The following ZRANB3 variants were observed in gnomAD, a reference collection of about 807,000 sequenced individuals.
The protein encoded by ZRANB3 is zinc finger RANBP2-type containing 3, also known as DNA annealing helicase and endonuclease ZRANB3.
ZRANB3 carries 125 observed loss-of-function variants against 133.8 expected under a neutral mutation model. The ratio of observed to expected loss-of-function variants is 0.93; its 90% CI spans 0.81 to 1.08. The LOEUF is 1.08. Ranked by LOEUF, ZRANB3 falls within the 50% of genes least tolerant of loss-of-function variation. The probability of loss-of-function intolerance (pLI) is 0.00; values close to 1 mark genes in which losing one functional copy is unlikely to be tolerated. For missense variants in ZRANB3, 1,229 were observed against 1,275.5 expected, an observed-to-expected ratio of 0.96 and a Z score of 0.56; for synonymous variants, 387 against 432.7, an observed-to-expected ratio of 0.89 and a Z score of 1.31.
intron 8 of ZRANB3, among the ~76,000 whole-genome samples, chr2:135,286,774 T>A (rs544401539): frequency 2.0e-5 from 3 of 152,274 alleles, no homozygotes; most frequent in South Asian, 2.1e-4. Context: ...TATTATTATT[T>A]TTTTCTTGCT....
intron 13 of ZRANB3, among the ~76,000 whole-genome samples, chr2:135,230,121 TC>T (rs1231015606): frequency 6.6e-6 from 1 of 152,052 alleles, no homozygotes; most frequent in East Asian, 1.9e-4. Flanking sequence ...ATAAAAATAA[TC>T]CACAATTTCC....
intron 12 of ZRANB3, among the ~76,000 whole-genome samples, chr2:135,247,161 ATG>A (rs1386858321): frequency 6.6e-6 from 1 of 152,164 alleles, no homozygotes; most frequent in African/African-American, 2.4e-5. Context: ...TATTTTACAA[ATG>A]GGTGATTGGG....
Position 135,315,540 on chromosome 2 carries a change from T to G in ZRANB3, c.678-10A>C. On this transcript the variant is annotated splice_polypyrimidine_tract_variant and intron_variant, in intron 6 of 20. Transcript: ENST00000264159. ...TCTTTTACCAAAATATCTGTTAAAA[T>G]GAAGACAAAACATGTAGCAAAATTG... 6.8e-7 allele frequency: 1 copy of G among 1,464,756 alleles called. No individual in the cohort carries two copies. Among genetic ancestry groups the G allele is most frequent in the Non-Finnish European group, 9.0e-7 (1 of 1,108,028 alleles). 90.7% of individuals were successfully genotyped at this position (1,464,756 alleles called of 1,614,324 possible). A position where few individuals can be genotyped will look rare whatever the true frequency, so the allele number is the denominator to read the frequency against.
chr2:135,530,136 A>G (rs1694420687), intron 1 of ZRANB3, among the ~76,000 whole-genome samples: 2 of 151,004 alleles, frequency 1.3e-5, no homozygotes, highest in South Asian at 4.2e-4. Context: ...CTGAGACAGG[A>G]GAATGGCGTG....
chr2:135,220,246 T>C (rs1694483934), intron 15 of ZRANB3, among the ~76,000 whole-genome samples: 1 of 151,566 alleles, frequency 6.6e-6, no homozygotes, highest in African/African-American at 2.4e-5. Context: ...TACAGCGGTG[T>C]AGTAGAGCTA....
At chr2:135,379,987 C>CA (rs981551464) in intron 3 of ZRANB3, among the ~76,000 whole-genome samples, 22 of 148,258 alleles carry the variant, frequency 1.5e-4, no homozygotes, top group Non-Finnish European at 2.5e-4. Flanking sequence ...AAATGGAAAG[C>CA]AAAAAAAAAG....
At chr2:135,326,300 A>G (rs1683820341) in intron 6 of ZRANB3, among the ~76,000 whole-genome samples, 1 of 152,150 alleles carries the variant, frequency 6.6e-6, no homozygotes, top group Non-Finnish European at 1.5e-5. Flanking sequence ...CTCTGGTTAC[A>G]TGAATAAGTT....
intron 2 of ZRANB3, among the ~76,000 whole-genome samples, chr2:135,402,690 G>A (rs1574044316): frequency 6.6e-6 from 1 of 151,628 alleles, no homozygotes; most frequent in South Asian, 2.1e-4. Context: ...GGGTTCAAGC[G>A]ATTCTCCTGC....
At chr2:135,282,956 T>C (rs1256334514) in intron 8 of ZRANB3, among the ~76,000 whole-genome samples, 1 of 152,150 alleles carries the variant, frequency 6.6e-6, no homozygotes, top group African/African-American at 2.4e-5. Flanking sequence ...AAAGTTATTT[T>C]CATGGAGGTT....
intron 2 of ZRANB3, among the ~76,000 whole-genome samples, chr2:135,444,939 G>C (rs1252466903): frequency 6.6e-6 from 1 of 152,142 alleles, no homozygotes; most frequent in Non-Finnish European, 1.5e-5. Context: ...ACTGGATTTA[G>C]CTACTCTGGG....
intron 8 of ZRANB3, among the ~76,000 whole-genome samples, chr2:135,298,118 C>T (rs1682236887): frequency 1.3e-5 from 2 of 152,036 alleles, no homozygotes; most frequent in African/African-American, 2.4e-5. Context: ...GTCCTAGCTA[C>T]TGGGGAGGCT....
At chr2:135,346,321 C>G (rs914064466) in intron 5 of ZRANB3, among the ~76,000 whole-genome samples, 10 of 152,036 alleles carry the variant, frequency 6.6e-5, no homozygotes, top group African/African-American at 2.4e-4. Context: ...AGGATGGTCT[C>G]GATCTTCTGA....
Position 135,275,669 on chromosome 2 carries a change from G to A in ZRANB3, c.1053C>T (p.Leu351=), listed in dbSNP as rs747410044. ...FLVFAHHLSM[L]QACTEAVIEN... ...CGATGACTGCTTCTGTGCAAGCTTGGAGCATGCTTAAATGGTGAGCAAAAA... is the reference window on the plus strand; with the variant it reads ...CGATGACTGCTTCTGTGCAAGCTTGAAGCATGCTTAAATGGTGAGCAAAAA... The change falls in exon 9 of 21, where the codon CTC becomes CTT. Residue 351 remains leucine (L), a synonymous_variant. Coordinates refer to ENST00000264159, the MANE Select transcript of ZRANB3 (RefSeq NM_032143.4). 33 of 1,606,274 alleles carry A rather than the reference G, an allele frequency of 2.1e-5. No individual in the cohort carries two copies. Among genetic ancestry groups the A allele is most frequent in the Non-Finnish European group, 8.5e-6 (10 of 1,176,088 alleles).
At chr2:135,280,508 G>A (rs1317166423) in intron 8 of ZRANB3, among the ~76,000 whole-genome samples, 2 of 151,946 alleles carry the variant, frequency 1.3e-5, no homozygotes, top group Non-Finnish European at 2.9e-5. Flanking sequence ...CAGAGGTTGC[G>A]GTGAGCTGAG....
At chr2:135,462,109 G>C (rs1690789480) in intron 2 of ZRANB3, among the ~76,000 whole-genome samples, 1 of 152,114 alleles carries the variant, frequency 6.6e-6, no homozygotes, top group Non-Finnish European at 1.5e-5. Context: ...TACCTTATTT[G>C]TTCAAGTTTC....
chr2:135,290,984 C>A (rs912993479), intron 8 of ZRANB3, among the ~76,000 whole-genome samples: 10 of 152,060 alleles, frequency 6.6e-5, no homozygotes, highest in African/African-American at 1.9e-4. Flanking sequence ...CTCACTGCAA[C>A]CTCTGCCTCC....
At chr2:135,360,327 G>C (rs1294882595) in intron 3 of ZRANB3, among the ~76,000 whole-genome samples, 1 of 152,076 alleles carries the variant, frequency 6.6e-6, no homozygotes, top group Non-Finnish European at 1.5e-5. Flanking sequence ...GTTGCAGTGA[G>C]CTGAGATCAT....
At chr2:135,362,661 A>AT (rs928013266) in intron 3 of ZRANB3, among the ~76,000 whole-genome samples, 10 of 151,776 alleles carry the variant, frequency 6.6e-5, no homozygotes, top group Admixed American at 5.3e-4. Flanking sequence ...GCCCCTTTTT[A>AT]TTTTTTTTCC....
chr2:135,301,776 T>C (rs1319723937), intron 8 of ZRANB3, among the ~76,000 whole-genome samples: 2 of 152,200 alleles, frequency 1.3e-5, no homozygotes, highest in African/African-American at 4.8e-5. Context: ...TCTCATGTAC[T>C]TTCATAAGCA....
Sources: gnomAD v4.1 joint callset for allele counts (sites outside exome capture counted in the v4.1 genomes callset) on GRCh38, gnomAD v4.1.1 for gene constraint, MANE v1.5 for transcripts, NCBI Gene and HGNC (gene_info 2026-07-23, HGNC 2026-07-21) for gene names.